LIN7C: variants seen among roughly 807,000 people sequenced by gnomAD.
LIN7C encodes protein lin-7 homolog C.
LIN7C carries 17 observed loss-of-function variants against 24.7 expected under a neutral mutation model. That is an observed-to-expected ratio of 0.69 (90% confidence interval 0.47 to 1.03). The LOEUF (loss-of-function observed/expected upper bound fraction) is 1.03. Among genes scored for constraint, LIN7C ranks in the 50% least tolerant of loss-of-function variants. The pLI is 0.00. For missense variants in LIN7C, 204 were observed against 239.0 expected, an observed-to-expected ratio of 0.85 and a Z score of 0.97; for synonymous variants, 90 against 83.4, an observed-to-expected ratio of 1.08 and a Z score of -0.43.
chr11:27,499,298 C>T, intron 4 of LIN7C, 61 bp downstream of exon 4: 1 of 1,411,182 alleles, frequency 7.1e-7, no homozygotes, highest in South Asian at 1.2e-5. Flanking sequence ...TCCTATTACT[C>T]AAATACGCCC....
intron 2 of LIN7C, 57 bp downstream of exon 2, chr11:27,501,745 A>G: frequency 9.2e-7 from 1 of 1,088,174 alleles, no homozygotes; most frequent in African/African-American, 1.6e-5. Flanking sequence ...CCAAATTTAG[A>G]GTATTATCTG....
In LIN7C at chr11:27,497,145, CTTTT is replaced by C. The variant is rs1434981949; in HGVS notation, c.*1500_*1503del. On this transcript the variant is annotated 3_prime_UTR_variant, in exon 5 of 5. Coordinates refer to ENST00000278193, the MANE Select transcript of LIN7C (RefSeq NM_018362.4). ...AATGATAAATAACAATGCTGATTGA[CTTTT>C]ATTTTGAAAAATCATTGAAAACTGG... 6.6e-6 allele frequency: 1 copy of C among 152,540 alleles called. No homozygotes were observed. Among genetic ancestry groups the C allele is most frequent in the Non-Finnish European group, 1.5e-5 (1 of 67,976 alleles). 9.4% of individuals were successfully genotyped at this position (152,540 alleles called of 1,614,324 possible).
In LIN7C at chr11:27,495,531, T is replaced by A. The variant is rs924652444; in HGVS notation, c.*3118A>T. ...TTTGAATCGTCAAATCCTAAAGAAC[T>A]AGGCTGCTATTATCTAGTATTATAC... On this transcript the variant is annotated 3_prime_UTR_variant, in exon 5 of 5. Coordinates refer to ENST00000278193, the MANE Select transcript of LIN7C (RefSeq NM_018362.4). The A allele has an allele frequency of 2.6e-5, 4 of 151,268 alleles. No individual in the cohort carries two copies. Among genetic ancestry groups the A allele is most frequent in the African/African-American group, 9.7e-5 (4 of 41,144 alleles). The allele number at this position is 151,268 out of a possible 1,614,324, so 9.4% of individuals were successfully genotyped here. A position where few individuals can be genotyped will look rare whatever the true frequency, so the allele number is the denominator to read the frequency against.
chr11:27,495,897 T>G lies in LIN7C; in HGVS notation c.*2752A>C, dbSNP rs1466686282. 3 of 151,682 alleles carry G rather than the reference T, an allele frequency of 2.0e-5. No individual in the cohort carries two copies. 9.4% of individuals were successfully genotyped at this position (151,682 alleles called of 1,614,324 possible). ...GGAGGCTGAGGTGGAAGCCAAGGAG[T>G]TTCAGGCTGCAGTGAGCTATGATCA... On this transcript the variant is annotated 3_prime_UTR_variant, in exon 5 of 5. Transcript: ENST00000278193.
chr11:27,503,817 A>ATTAT (rs961260059), intron 1 of LIN7C, among the ~76,000 whole-genome samples: 6 of 143,162 alleles, frequency 4.2e-5, no homozygotes, highest in Admixed American at 6.9e-5. Context: ...TGGCAGAAAG[A>ATTAT]TTATTTATTT....
chr11:27,506,670 C>T (rs1305395724), intron 1 of LIN7C, 46 bp downstream of exon 1: 3 of 1,608,266 alleles, frequency 1.9e-6, no homozygotes, highest in Admixed American at 3.3e-5. Flanking sequence ...ACACAGCACT[C>T]CCCCAACCCT....
chr11:27,500,388 T>G (rs555115105), intron 3 of LIN7C, among the ~76,000 whole-genome samples: 1 of 152,316 alleles, frequency 6.6e-6, no homozygotes, highest in African/African-American at 2.4e-5. Flanking sequence ...TGTCAAGAAA[T>G]AACTCAATAT....
chr11:27,498,986 A>T (rs1865196130), intron 4 of LIN7C, among the ~76,000 whole-genome samples, 182 bp from the exon 5 acceptor site: 1 of 152,176 alleles, frequency 6.6e-6, no homozygotes, highest in Admixed American at 6.6e-5. Context: ...CCTCTCTTAC[A>T]TCATATTCTG....
Position 27,499,436 on chromosome 11 carries a change from G to C in LIN7C, c.361C>G (p.Arg121Gly). The C allele has an allele frequency of 6.2e-7, 1 of 1,614,036 alleles. No individual in the cohort carries two copies. Among genetic ancestry groups the C allele is most frequent in the Non-Finnish European group, 8.5e-7 (1 of 1,179,994 alleles). Residue 121 changes from arginine to glycine, a missense_variant, in exon 4 of 5, where the codon CGA becomes GGA. By Grantham distance (125) the Arg-to-Gly change is moderately radical. This residue lies in a region of LIN7C where 74 missense variants were observed against 99.6 expected (regional missense o/e 0.74). Coordinates refer to ENST00000278193, the MANE Select transcript of LIN7C (RefSeq NM_018362.4). ...KEQNSPIYIS[R>G]IIPGGIADRH... ...TCAGCAATTCCACCTGGAATTATTC[G>C]GGATATATAGATTGGAGAGTTTTGT... is the stretch of plus-strand genomic sequence containing the variant.
intron 1 of LIN7C, 31 bp downstream of exon 1, chr11:27,506,685 C>G: frequency 1.9e-6 from 3 of 1,613,112 alleles, no homozygotes; most frequent in Non-Finnish European, 1.7e-6. Flanking sequence ...AACCCTTCCG[C>G]CCACCTCCGC....
Position 27,501,511 on chromosome 11 carries a change from G to A in LIN7C, c.212C>T (p.Ala71Val), listed in dbSNP as rs1275696603. ...VDISSSPEVR[A>V]NATAKATVAA... is the part of the protein sequence containing the mutation. Reference sequence around the variant, plus strand: ...AAAATTTACCTTTGCAGTAGCGTTCGCTCTCACTTCAGGACTGCTACTGAT... The same window carrying A: ...AAAATTTACCTTTGCAGTAGCGTTCACTCTCACTTCAGGACTGCTACTGAT... The change falls in exon 3 of 5, where the codon GCG (alanine) becomes GTG (valine). Residue 71 changes from alanine (A) to valine (V), a missense_variant. Physicochemically the swap from Ala to Val is moderately conservative, Grantham distance 64. Coordinates refer to ENST00000278193, the MANE Select transcript of LIN7C (RefSeq NM_018362.4). 6 of 1,586,634 alleles carry A rather than the reference G, an allele frequency of 3.8e-6. No individual in the cohort carries two copies. The highest frequency in any genetic ancestry group is 1.9e-5 in the Admixed American group (1 of 54,026).
rs1865200310 is a variant in LIN7C, at chr11:27,499,419, T to C, written c.378A>G (p.Gly126=). 1.2e-6 allele frequency: 2 copies of C among 1,614,002 alleles called. No homozygotes were observed. Among genetic ancestry groups the C allele is most frequent in the African/African-American group, 2.7e-5 (2 of 74,906 alleles). Residue 126 remains glycine, a synonymous_variant, in exon 4 of 5, where the codon GGA becomes GGG. Transcript: ENST00000278193. The part of the protein sequence containing the change: ...PIYISRIIPG[G]IADRHGGLKR... ...TGAGGCCCCCATGTCTATCAGCAAT[T>C]CCACCTGGAATTATTCGGGATATAT...
rs372120076 is a variant in LIN7C at position 27,506,732 on chromosome 11, G to A, written c.21C>T (p.Pro7=). The change falls in exon 1 of 5, where the codon CCC becomes CCT. Residue 7 remains proline, a synonymous_variant. Transcript: ENST00000278193. MAALGE[P]VRLERDICRA... Reference sequence around the variant, plus strand: ...TGCACTCACCTCTCTCCAGCCGCACGGGTTCCCCTAGCGCCGCCATCTTCT... The same window carrying A: ...TGCACTCACCTCTCTCCAGCCGCACAGGTTCCCCTAGCGCCGCCATCTTCT... 5 of 1,614,054 alleles carry A rather than the reference G, an allele frequency of 3.1e-6. No individual in the cohort carries two copies. The highest frequency in any genetic ancestry group is 4.5e-5 in the East Asian group (2 of 44,848).
In LIN7C at chr11:27,495,644, TAAC is replaced by T. The variant is rs1865158389; in HGVS notation, c.*3002_*3004del. ...CAATTTTTAAACATGCTTTCTCAAA[TAAC>T]AAACACGTATTTTTGTAAGTTTTAA... is the stretch of plus-strand genomic sequence containing the variant. On this transcript the variant is annotated 3_prime_UTR_variant, in exon 5 of 5. Transcript: ENST00000278193. 6.6e-6 allele frequency: 1 copy of T among 151,372 alleles called. No homozygotes were observed. The highest frequency in any genetic ancestry group is 2.4e-5 in the African/African-American group (1 of 41,126). The allele number at this position is 151,372 out of a possible 1,614,324, so 9.4% of individuals were successfully genotyped here.
At chr11:27,501,721 A>T in intron 2 of LIN7C, 81 bp downstream of exon 2, 3 of 1,009,150 alleles carry the variant, frequency 3.0e-6, no homozygotes, top group Non-Finnish European at 4.5e-6. Flanking sequence ...AGTTTTTCTT[A>T]AGAAATGTTG....
chr11:27,501,617 T>TTAAGTTAAAATTTCAGGC, intron 2 of LIN7C, 51 bp from the exon 3 acceptor site: 3 of 1,021,538 alleles, frequency 2.9e-6, no homozygotes, highest in Non-Finnish European at 4.5e-6. Context: ...GAGTTCTCTG[T>TTAAGTTAAAATTTCAGGC]GAAGTTAAAA....
chr11:27,498,635 A>G lies in LIN7C; in HGVS notation c.*14T>C, dbSNP rs767266289. 14 of 1,600,736 alleles carry G rather than the reference A, an allele frequency of 8.7e-6. No individual in the cohort carries two copies. The highest frequency in any genetic ancestry group is 1.1e-5 in the Non-Finnish European group (13 of 1,174,080). ...AGCTAAAACGCAAAATGAAATATCA[A>G]GTTTTGAAATGTATTAGGTCTGTTG... On this transcript the variant is annotated 3_prime_UTR_variant, in exon 5 of 5. Coordinates refer to ENST00000278193, the MANE Select transcript of LIN7C (RefSeq NM_018362.4).
In LIN7C at chr11:27,498,536, T is replaced by C; in HGVS notation, c.*113A>G. 1.0e-6 allele frequency: 1 copy of C among 974,260 alleles called. No individual in the cohort carries two copies. Among genetic ancestry groups the C allele is most frequent in the Non-Finnish European group, 1.5e-6 (1 of 649,044 alleles). The allele number at this position is 974,260 out of a possible 1,614,324, so 60.4% of individuals were successfully genotyped here. On this transcript the variant is annotated 3_prime_UTR_variant, in exon 5 of 5. Coordinates refer to ENST00000278193, the MANE Select transcript of LIN7C (RefSeq NM_018362.4). ...CATTTATAAAATGACAAGGAGAATT[T>C]CATGATAAATTTGTTTGTTTTCTTA... is the stretch of plus-strand genomic sequence containing the variant.
At chr11:27,505,812 T>G (rs1037407307) in intron 1 of LIN7C, among the ~76,000 whole-genome samples, 1 of 152,246 alleles carries the variant, frequency 6.6e-6, no homozygotes, top group Non-Finnish European at 1.5e-5. Context: ...TATTTGTACT[T>G]CTCAATTCCT....
Sources: gnomAD v4.1 joint callset for allele counts (sites outside exome capture counted in the v4.1 genomes callset) on GRCh38, gnomAD v4.1.1 for gene constraint, gnomAD v4.1.1 regional missense constraint, MANE v1.5 for transcripts, NCBI Gene and HGNC (gene_info 2026-07-23, HGNC 2026-07-21) for gene names.